MCF2L: variants seen among roughly 807,000 people sequenced by gnomAD.
MCF2L encodes guanine nucleotide exchange factor DBS.
MCF2L carries 97 observed loss-of-function variants against 153.4 expected under a neutral mutation model. That is an observed-to-expected ratio of 0.63 (90% CI 0.54 to 0.75). The LOEUF is 0.75. Ranked by LOEUF, MCF2L falls within the 30% of genes least tolerant of loss-of-function variation. The pLI, the probability that MCF2L is intolerant of heterozygous loss-of-function variation, is 0.00. For synonymous variants in MCF2L, 659 were observed against 632.2 expected (o/e 1.04, Z -0.64); for missense variants, 1,347 against 1,495.2 (o/e 0.90, Z 1.64).
At chr13:112,895,495 A>T (rs1191006061) in intron 1 of MCF2L, among the ~76,000 whole-genome samples, 3 of 151,998 alleles carry the variant, frequency 2.0e-5, no homozygotes, top group Non-Finnish European at 4.4e-5. Flanking sequence ...TGGGTGCTGG[A>T]TGCTGGGACT....
chr13:113,046,927 A>C lies in MCF2L; in HGVS notation c.369+1566A>C, dbSNP rs1314294191. 1 of 223,126 alleles carries C rather than the reference A, an allele frequency of 4.5e-6. No individual in the cohort carries two copies. The highest frequency in any genetic ancestry group is 8.9e-6 in the Non-Finnish European group (1 of 112,314). The allele number at this position is 223,126 out of a possible 1,614,324, so 13.8% of individuals were successfully genotyped here. ...CTATAAAGACGTACTTGAGCTGGGT[A>C]ATTGATAAAGAAAGAGGCGTAATTG... On this transcript the variant is annotated intron_variant, in intron 4 of 29. Transcript: ENST00000535094. The surrounding 1 kb of genome is among the most constrained non-coding windows in gnomAD (Gnocchi z 4.4).
chr13:112,933,074 G>A (rs1179013863), intron 2 of MCF2L, among the ~76,000 whole-genome samples: 6 of 149,830 alleles, frequency 4.0e-5, no homozygotes, highest in African/African-American at 1.5e-4. Context: ...AGGAAGGAAG[G>A]AGAAAAGAAA....
intron 1 of MCF2L, among the ~76,000 whole-genome samples, chr13:113,010,592 G>T (rs551140152): frequency 6.6e-6 from 1 of 152,318 alleles, no homozygotes; most frequent in African/African-American, 2.4e-5. Flanking sequence ...CTGGGGATGG[G>T]CAGGGGCAGG....
At chr13:112,919,204 C>A (rs923976933) in intron 2 of MCF2L, among the ~76,000 whole-genome samples, 2 of 101,680 alleles carry the variant, frequency 2.0e-5, no homozygotes, top group African/African-American at 3.5e-5. Flanking sequence ...TAAGAATTTG[C>A]ATTTTTTTTT....
chr13:112,956,597 C>T (rs2081760760), intron 2 of MCF2L: 1 of 152,304 alleles, frequency 6.6e-6, no homozygotes, highest in African/African-American at 2.4e-5. Context: ...GAGGACAGTG[C>T]ACAGCTCCCT....
intron 1 of MCF2L, among the ~76,000 whole-genome samples, chr13:112,897,925 C>T (rs1299193167): frequency 1.3e-5 from 2 of 152,172 alleles, no homozygotes; most frequent in Non-Finnish European, 2.9e-5. Flanking sequence ...CAGCTGACCT[C>T]TCACCCTGCA....
At chr13:113,080,556 C>A (rs901109997) in intron 15 of MCF2L, among the ~76,000 whole-genome samples, 3 of 152,212 alleles carry the variant, frequency 2.0e-5, no homozygotes, top group Admixed American at 6.5e-5. Flanking sequence ...CATAAGCAGG[C>A]AGGGCCGTAG....
rs1178233058 is a variant in MCF2L at position 113,074,898 on chromosome 13, AGACACACGTGTGCCCCGG to A, written c.1117-92_1117-75del. On this transcript the variant is annotated intron_variant, in intron 10 of 29. Coordinates refer to ENST00000535094, the MANE Select transcript of MCF2L (RefSeq NM_001112732.3). The surrounding 1 kb of genome is among the most constrained non-coding windows in gnomAD (Gnocchi z 4.2). ...TCCGCAGCAGTAAACAAAGAAATCA[AGACACACGTGTGCCCCGG>A]GACACACATCCCGTACAGCAAGGCA... 4 of 1,093,646 alleles carry A rather than the reference AGACACACGTGTGCCCCGG, an allele frequency of 3.7e-6. No homozygotes were observed. Among genetic ancestry groups the A allele is most frequent in the East Asian group, 2.4e-5 (1 of 41,838 alleles). The allele number at this position is 1,093,646 out of a possible 1,614,324, so 67.7% of individuals were successfully genotyped here.
rs552459061 is a variant in MCF2L at position 113,031,627 on chromosome 13, G to A, written c.278+6869G>A. On this transcript the variant is annotated intron_variant, in intron 3 of 29. Coordinates refer to ENST00000535094, the MANE Select transcript of MCF2L (RefSeq NM_001112732.3). This position sits in a 1 kb window ranked among gnomAD's most constrained non-coding sequence, Gnocchi z 5.5. ...GCTGGGAGATGGGGAGGAGGGCGGC[G>A]GCCCTCAGAGAAGGGACGAGGTGGG... Among the ~76,000 whole-genome samples, 20 of 152,206 alleles carry A rather than the reference G, an allele frequency of 1.3e-4. No individual in the cohort carries two copies. The highest frequency in any genetic ancestry group is 4.1e-4 in the South Asian group (2 of 4,822).
intron 4 of MCF2L, among the ~76,000 whole-genome samples, chr13:113,047,851 C>CACG (rs1192564465): frequency 1.3e-5 from 1 of 75,676 alleles, no homozygotes; most frequent in Non-Finnish European, 2.9e-5. Context: ...CCCCTCTGCT[C>CACG]ACGCCTCACT....
At chr13:112,902,473 G>T in intron 2 of MCF2L, 1 of 1,236,822 alleles carries the variant, frequency 8.1e-7, no homozygotes, top group Non-Finnish European at 1.1e-6. Context: ...GATTGACAAG[G>T]TTTAGATCCT....
At chr13:112,901,739 C>G (rs959836056) in intron 1 of MCF2L, among the ~76,000 whole-genome samples, 2 of 152,196 alleles carry the variant, frequency 1.3e-5, no homozygotes, top group Admixed American at 1.3e-4. Context: ...TTCTGGAACT[C>G]GGAGGACATT....
intron 2 of MCF2L, among the ~76,000 whole-genome samples, chr13:112,946,836 A>G (rs946594724): frequency 6.6e-6 from 1 of 152,222 alleles, no homozygotes; most frequent in Non-Finnish European, 1.5e-5. Context: ...GCTCTTCCCA[A>G]GAGTAAAACA....
intron 1 of MCF2L, among the ~76,000 whole-genome samples, chr13:112,987,281 C>T (rs1286687658): frequency 8.0e-5 from 2 of 24,908 alleles, no homozygotes; most frequent in Non-Finnish European, 3.3e-4. Context: ...TTGTCTGCAG[C>T]CACGCAGAGG....
At chr13:112,898,632 C>T (rs1225469069) in intron 1 of MCF2L, among the ~76,000 whole-genome samples, 3 of 152,154 alleles carry the variant, frequency 2.0e-5, no homozygotes, top group African/African-American at 7.2e-5. Flanking sequence ...ACCGTCAGCA[C>T]TTGCCTCCCC....
chr13:112,996,159 A>G (rs2083121945), intron 1 of MCF2L, among the ~76,000 whole-genome samples: 1 of 152,128 alleles, frequency 6.6e-6, no homozygotes. Context: ...ACAAAGGTAA[A>G]TGGCATTTAA....
chr13:113,070,263 C>T lies in MCF2L; in HGVS notation c.996+90C>T, dbSNP rs1167652249. On this transcript the variant is annotated intron_variant, in intron 9 of 29. Coordinates refer to ENST00000535094, the MANE Select transcript of MCF2L (RefSeq NM_001112732.3). This position sits in a 1 kb window ranked among gnomAD's most constrained non-coding sequence, Gnocchi z 5.6. ...CTGGTCCCAGTGCCGGGAGCTGAGC[C>T]GTGCCACCCAGTTGACTTTGGCTTA... 2.4e-5 allele frequency: 20 copies of T among 818,582 alleles called. No individual in the cohort carries two copies. The East Asian group carries it at 5.5e-4, about 23-fold the overall frequency. 50.7% of individuals were successfully genotyped at this position (818,582 alleles called of 1,614,324 possible). A position where few individuals can be genotyped will look rare whatever the true frequency, so the allele number is the denominator to read the frequency against.
intron 3 of MCF2L, chr13:113,042,366 A>T (rs956329040): frequency 6.6e-6 from 1 of 152,242 alleles, no homozygotes; most frequent in Non-Finnish European, 1.5e-5. Context: ...CATTTTTTGA[A>T]TCGAATAAAT....
intron 1 of MCF2L, among the ~76,000 whole-genome samples, chr13:112,970,383 A>G (rs1014083759): frequency 2.0e-5 from 3 of 152,164 alleles, no homozygotes; most frequent in African/African-American, 7.2e-5. Context: ...CAGCATAAGC[A>G]CCATCGTATG....
Sources: allele counts gnomAD v4.1 joint callset (sites outside exome capture counted in the v4.1 genomes callset), GRCh38; gene constraint gnomAD v4.1.1; non-coding constraint Gnocchi (gnomAD v3.1); transcripts MANE v1.5; gene names NCBI Gene and HGNC (gene_info 2026-07-23, HGNC 2026-07-21).